TTC29: variants seen among roughly 807,000 people sequenced by gnomAD.
TTC29 encodes the protein tetratricopeptide repeat domain 29.
Under a neutral mutation model 58.1 loss-of-function variants are expected in TTC29, and 49 were observed. That is an observed-to-expected ratio of 0.84 (90% CI 0.67 to 1.07). The LOEUF (loss-of-function observed/expected upper bound fraction) is 1.07, where lower values mean the gene tolerates loss of function less well. TTC29 is among the 50% of genes least tolerant of loss of function. The pLI is 0.00. For missense variants in TTC29, 582 were observed against 555.6 expected, an observed-to-expected ratio of 1.05 and a Z score of -0.48; for synonymous variants, 209 against 196.8, an observed-to-expected ratio of 1.06 and a Z score of -0.52.
intron 11 of TTC29, among the ~76,000 whole-genome samples, chr4:146,734,832 A>G (rs1158605044): frequency 6.6e-6 from 1 of 151,990 alleles, no homozygotes; most frequent in Non-Finnish European, 1.5e-5. Flanking sequence ...TCAGGAAAAC[A>G]TATGGTTTGG....
At chr4:146,882,722 G>A (rs1402133313) in intron 6 of TTC29, among the ~76,000 whole-genome samples, 2 of 152,090 alleles carry the variant, frequency 1.3e-5, no homozygotes, top group Non-Finnish European at 2.9e-5. Flanking sequence ...CTATGCCGAA[G>A]TATCAGTATT....
At chr4:146,864,716 C>G (rs1207914431) in intron 8 of TTC29, among the ~76,000 whole-genome samples, 2 of 152,160 alleles carry the variant, frequency 1.3e-5, no homozygotes. Flanking sequence ...TCACTGCACT[C>G]TCTGCCCTTG....
intron 9 of TTC29, among the ~76,000 whole-genome samples, chr4:146,827,618 A>G (rs1415509411): frequency 7.9e-5 from 12 of 152,222 alleles, no homozygotes; most frequent in Admixed American, 6.5e-4. Context: ...TGATCATACT[A>G]AAGTTATGAA....
chr4:146,816,541 G>C (rs1313573660), intron 10 of TTC29, among the ~76,000 whole-genome samples: 1 of 152,006 alleles, frequency 6.6e-6, no homozygotes, highest in Admixed American at 6.6e-5. Context: ...TGGGGGAGAG[G>C]GATAGGATGA....
intron 4 of TTC29, among the ~76,000 whole-genome samples, chr4:146,912,505 T>C (rs1319370039): frequency 6.6e-6 from 1 of 151,932 alleles, no homozygotes; most frequent in Non-Finnish European, 1.5e-5. Flanking sequence ...TGTAGGAAAA[T>C]AGGGTGAGGG....
At chr4:146,891,635 T>C (rs1296990177) in intron 6 of TTC29, among the ~76,000 whole-genome samples, 1 of 152,148 alleles carries the variant, frequency 6.6e-6, no homozygotes, top group East Asian at 1.9e-4. Context: ...CATTGGGTGG[T>C]GACAAGGATT....
At chr4:146,727,275 G>A (rs1432211013) in intron 11 of TTC29, among the ~76,000 whole-genome samples, 1 of 152,070 alleles carries the variant, frequency 6.6e-6, no homozygotes, top group Non-Finnish European at 1.5e-5. Flanking sequence ...CATATACCAT[G>A]CACAGTCTCT....
intron 8 of TTC29, 38 bp downstream of exon 8, chr4:146,867,459 TA>T: frequency 9.9e-7 from 1 of 1,008,726 alleles, no homozygotes; most frequent in Non-Finnish European, 1.4e-6. Context: ...TATACTAAAA[TA>T]AAAATTAAAA....
intron 10 of TTC29, among the ~76,000 whole-genome samples, chr4:146,812,055 CTG>C (rs1751059820): frequency 6.6e-6 from 1 of 151,962 alleles, no homozygotes; most frequent in South Asian, 2.1e-4. Flanking sequence ...AAAAATAAAA[CTG>C]TATCAAAGAT....
intron 11 of TTC29, among the ~76,000 whole-genome samples, chr4:146,711,274 G>C (rs34668398): frequency 2.0e-5 from 3 of 152,114 alleles, no homozygotes; most frequent in African/African-American, 7.2e-5. Flanking sequence ...AGCAAACACA[G>C]AGAGCATGAT....
chr4:146,740,379 T>C (rs1212808433), intron 11 of TTC29, among the ~76,000 whole-genome samples: 1 of 152,176 alleles, frequency 6.6e-6, no homozygotes, highest in East Asian at 1.9e-4. Context: ...ATGGATCTAT[T>C]AGCATGGAAA....
chr4:146,840,846 A>T (rs1321077516), intron 8 of TTC29, among the ~76,000 whole-genome samples: 3 of 152,142 alleles, frequency 2.0e-5, no homozygotes, highest in Admixed American at 6.6e-5. Flanking sequence ...AGCTGGAGCA[A>T]GTCTGGAAAT....
chr4:146,903,387 G>A (rs923333933), intron 6 of TTC29, among the ~76,000 whole-genome samples, 157 bp downstream of exon 6: 3 of 152,036 alleles, frequency 2.0e-5, no homozygotes, highest in African/African-American at 7.2e-5. Flanking sequence ...CTGAAGCTGG[G>A]TCCACAAGTC....
chr4:146,755,202 A>G (rs1746349256), intron 11 of TTC29, among the ~76,000 whole-genome samples: 1 of 152,198 alleles, frequency 6.6e-6, no homozygotes. Context: ...TGAAAACTAT[A>G]CAACACTGAT....
chr4:146,767,463 G>C (rs190567173), intron 11 of TTC29, among the ~76,000 whole-genome samples: 1 of 151,994 alleles, frequency 6.6e-6, no homozygotes. Flanking sequence ...TAATGTGTTA[G>C]CTAACTAATA....
chr4:146,815,929 A>G (rs1751369464), intron 10 of TTC29, among the ~76,000 whole-genome samples: 1 of 152,208 alleles, frequency 6.6e-6, no homozygotes, highest in African/African-American at 2.4e-5. Context: ...TATTTTCCTA[A>G]TAACAGAAAG....
chr4:146,863,639 T>C lies in TTC29; in HGVS notation c.885+3859A>G, dbSNP rs555734212. Among the ~76,000 whole-genome samples the C allele has an allele frequency of 8.5e-5, 13 of 152,330 alleles. No homozygotes were observed. The South Asian group carries it at 2.7e-3, about 32-fold the overall frequency. On this transcript the variant is annotated intron_variant, in intron 8 of 12. Transcript: ENST00000325106. ...ATGTGTATATGAAAAGATTTGTTAC[T>C]TATTGTAAGGTACTGGCTGCCGTGA... is the stretch of plus-strand genomic sequence containing the variant.
At chr4:146,725,699 T>C (rs953461764) in intron 11 of TTC29, among the ~76,000 whole-genome samples, 1 of 152,192 alleles carries the variant, frequency 6.6e-6, no homozygotes, top group Non-Finnish European at 1.5e-5. Flanking sequence ...TCAAGGTGTT[T>C]GCCTGCATCA....
chr4:146,778,155 T>G (rs1438436032), intron 11 of TTC29, among the ~76,000 whole-genome samples: 1 of 152,096 alleles, frequency 6.6e-6, no homozygotes, highest in Non-Finnish European at 1.5e-5. Flanking sequence ...TTATTTCCTC[T>G]TTTACTTTCT....
Sources: allele counts gnomAD v4.1 joint callset (sites outside exome capture counted in the v4.1 genomes callset), GRCh38; gene constraint gnomAD v4.1.1; transcripts MANE v1.5; gene names NCBI Gene and HGNC (gene_info 2026-07-23, HGNC 2026-07-21).